Variants in PIK3C2G observed in about 807,000 individuals in gnomAD.
The protein encoded by PIK3C2G is phosphatidylinositol-4-phosphate 3-kinase catalytic subunit type 2 gamma, also known as phosphatidylinositol 3-kinase C2 domain-containing subunit gamma.
A neutral mutation model predicts 181.1 loss-of-function variants in PIK3C2G; 168 were observed. That is an observed-to-expected ratio of 0.93 (90% CI 0.82 to 1.05). The LOEUF (loss-of-function observed/expected upper bound fraction) is 1.05. Among genes scored for constraint, PIK3C2G ranks in the 50% least tolerant of loss-of-function variants. The pLI is 0.00. For synonymous variants in PIK3C2G, 573 were observed against 592.2 expected (o/e 0.97, Z 0.47); for missense variants, 1,869 against 1,732.8 (o/e 1.08, Z -1.40).
In PIK3C2G at chr12:18,612,049, C is replaced by T. The variant is rs539254854; in HGVS notation, c.4182+2420C>T. Among the ~76,000 whole-genome samples, 479 of 152,186 alleles carry T rather than the reference C, an allele frequency of 3.1e-3. 4 individuals are homozygous for T. Among genetic ancestry groups the T allele is most frequent in the Middle Eastern group, 0.01 (3 of 294 alleles). On this transcript the variant is annotated intron_variant, in intron 31 of 32. Coordinates refer to ENST00000538779, the MANE Select transcript of PIK3C2G (RefSeq NM_001288772.2). ...GAAAGCCAAGGTACTTGTTAATGAC[C>T]TGTGAGACCCTGTCAATCTTCACTT...
At chr12:18,684,162 T>C in the PIK3C2G span, 1 of 1,612,132 alleles carries the variant, frequency 6.2e-7, no homozygotes. Context: ...CAAAGTATAT[T>C]GCCCAAGAAA....
Position 18,562,828 on chromosome 12 carries a change from T to G in PIK3C2G, c.3716T>G (p.Leu1239Trp). The stretch of plus-strand genomic sequence containing the variant: ...CAGACTTTTCCTCAGGAATCCTGTT[T>G]GCTGAGTACAACTAGGTCGATTGAA... ...TSQTFPQESCLLSTTRSIERA... is the reference protein window; with the variant it reads ...TSQTFPQESCWLSTTRSIERA... The change falls in exon 27 of 33, where the codon TTG becomes TGG. Residue 1239 changes from leucine to tryptophan, a missense_variant. Coordinates refer to ENST00000538779, the MANE Select transcript of PIK3C2G (RefSeq NM_001288772.2). The G allele has an allele frequency of 6.2e-7, 1 of 1,607,824 alleles. No individual in the cohort carries two copies. The highest frequency in any genetic ancestry group is 8.5e-7 in the Non-Finnish European group (1 of 1,176,670).
chr12:18,287,415 C>G (rs556433010), intron 3 of PIK3C2G, among the ~76,000 whole-genome samples: 9 of 151,934 alleles, frequency 5.9e-5, no homozygotes, highest in Admixed American at 5.2e-4. Context: ...GGCAGATATT[C>G]CAAAAAAATC....
intron 1 of PIK3C2G, among the ~76,000 whole-genome samples, chr12:18,248,682 A>ATG (rs1948066864): frequency 1.3e-5 from 2 of 152,138 alleles, no homozygotes; most frequent in Non-Finnish European, 2.9e-5. Flanking sequence ...CATATTTCTT[A>ATG]TGTATGTAAA....
At chr12:18,612,272 G>A (rs949952874) in intron 31 of PIK3C2G, among the ~76,000 whole-genome samples, 3 of 152,130 alleles carry the variant, frequency 2.0e-5, no homozygotes, top group African/African-American at 2.4e-5. Context: ...CACATGTCCC[G>A]AATGCTTGTA....
Position 18,497,713 on chromosome 12 carries a change from T to G in PIK3C2G, c.2981T>G (p.Ile994Ser). ...WLQEGLDMQM[I>S]IYRCLSTGKD... is the part of the protein sequence containing the mutation. ...CAGGAAGGCTTGGATATGCAAATGA[T>G]CATTTATAGATGTCTATCCACAGGA... is the stretch of plus-strand genomic sequence containing the variant. The change falls in exon 22 of 33, where the codon ATC becomes AGC. Residue 994 changes from isoleucine (I) to serine (S), a missense_variant. Ile to Ser is a moderately radical substitution (Grantham distance 142). Coordinates refer to ENST00000538779, the MANE Select transcript of PIK3C2G (RefSeq NM_001288772.2). 1 of 1,612,452 alleles carries G rather than the reference T, an allele frequency of 6.2e-7. No individual in the cohort carries two copies. The highest frequency in any genetic ancestry group is 8.5e-7 in the Non-Finnish European group (1 of 1,178,798).
At chr12:18,355,011 AT>A (rs1392045255) in intron 11 of PIK3C2G, among the ~76,000 whole-genome samples, 3 of 152,240 alleles carry the variant, frequency 2.0e-5, no homozygotes, top group Non-Finnish European at 4.4e-5. Flanking sequence ...CACTTATGCC[AT>A]GCCTCCATTC....
At chr12:18,392,183 G>C (rs958392375) in intron 15 of PIK3C2G, among the ~76,000 whole-genome samples, 12 of 152,196 alleles carry the variant, frequency 7.9e-5, no homozygotes, top group Admixed American at 5.9e-4. Context: ...TGGCAGTTGA[G>C]AAGACATAAC....
At position 18,505,422 on chromosome 12, in the gene PIK3C2G, A is replaced by G. The variant is rs1359536953; in HGVS notation, c.3284A>G (p.Lys1095Arg). The G allele has an allele frequency of 2.5e-6, 4 of 1,613,414 alleles. No homozygotes were observed. In the African/African-American group the frequency reaches 5.3e-5, roughly 22 times the overall value. Residue 1095 changes from lysine to arginine, a missense_variant, in exon 24 of 33, where the codon AAA (lysine) becomes AGA (arginine). Physicochemically the swap from Lys to Arg is conservative, Grantham distance 26 (BLOSUM62 2). Transcript: ENST00000538779. ...SGHMFHIDFG[K>R]FLGHAQTFGG... is the part of the protein sequence containing the mutation. ...CACATGTTTCATATTGACTTTGGAA[A>G]ATTCTTAGGTCATGCACAAACATTT...
chr12:18,293,211 T>C (rs1168344908), intron 4 of PIK3C2G, among the ~76,000 whole-genome samples: 1 of 152,126 alleles, frequency 6.6e-6, no homozygotes, highest in African/African-American at 2.4e-5. Flanking sequence ...CACCAGATTC[T>C]TGAAGAAAAT....
intron 26 of PIK3C2G, among the ~76,000 whole-genome samples, chr12:18,548,434 T>C (rs535422551): frequency 6.6e-6 from 1 of 152,004 alleles, no homozygotes. Context: ...AAAAGAGAAA[T>C]GTAAATAGGC....
intron 13 of PIK3C2G, among the ~76,000 whole-genome samples, chr12:18,375,501 T>C (rs1016527346): frequency 2.0e-5 from 3 of 152,142 alleles, no homozygotes; most frequent in Non-Finnish European, 4.4e-5. Flanking sequence ...AATTGGAATT[T>C]ATACTTAAAA....
intron 31 of PIK3C2G, among the ~76,000 whole-genome samples, chr12:18,616,005 C>G (rs913254308): frequency 5.9e-5 from 9 of 152,174 alleles, no homozygotes; most frequent in Non-Finnish European, 8.8e-5. Flanking sequence ...ACTAAATACA[C>G]ACCACTCATT....
chr12:18,521,582 A>C (rs987526456), intron 24 of PIK3C2G, among the ~76,000 whole-genome samples: 1 of 152,228 alleles, frequency 6.6e-6, no homozygotes, highest in Non-Finnish European at 1.5e-5. Context: ...CTTGAGACCA[A>C]GCTTTCCAGC....
chr12:18,270,802 T>C (rs974251577), intron 1 of PIK3C2G, among the ~76,000 whole-genome samples: 6 of 152,114 alleles, frequency 3.9e-5, no homozygotes, highest in African/African-American at 1.2e-4. Flanking sequence ...CTTCTATTAT[T>C]AAAATATATA....
intron 13 of PIK3C2G, among the ~76,000 whole-genome samples, chr12:18,377,910 G>A (rs1942566166): frequency 1.3e-5 from 2 of 152,138 alleles, no homozygotes; most frequent in Admixed American, 6.5e-5. Flanking sequence ...AGGCTGGAGT[G>A]CAATGGTGTG....
At chr12:18,598,265 T>G (rs1449093466) in intron 30 of PIK3C2G, among the ~76,000 whole-genome samples, 1 of 151,718 alleles carries the variant, frequency 6.6e-6, no homozygotes, top group East Asian at 1.9e-4. Context: ...AAGGCTACAG[T>G]AACCAAAACA....
At chr12:18,339,534 A>C (rs556902494) in intron 9 of PIK3C2G, among the ~76,000 whole-genome samples, 1 of 152,168 alleles carries the variant, frequency 6.6e-6, no homozygotes, top group Non-Finnish European at 1.5e-5. Flanking sequence ...GAATACATAC[A>C]TTCTCTATCT....
At chr12:18,540,663 T>C (rs560441594) in intron 25 of PIK3C2G, among the ~76,000 whole-genome samples, 1 of 152,062 alleles carries the variant, frequency 6.6e-6, no homozygotes, top group South Asian at 2.1e-4. Context: ...TGAAAATTTC[T>C]GGAATATAGT....
Sources: allele counts gnomAD v4.1 joint callset (sites outside exome capture counted in the v4.1 genomes callset), GRCh38; gene constraint gnomAD v4.1.1; transcripts MANE v1.5; gene names NCBI Gene and HGNC (gene_info 2026-07-23, HGNC 2026-07-21).